EFCAB8: variants seen among roughly 807,000 people sequenced by gnomAD.
EFCAB8 encodes the protein EF-hand calcium-binding domain-containing protein 8.
Under a neutral mutation model 116.3 loss-of-function variants are expected in EFCAB8, and 100 were observed. That is an observed-to-expected ratio of 0.86 (90% CI 0.73 to 1.02). The LOEUF (loss-of-function observed/expected upper bound fraction) is 1.02. Among genes scored for constraint, EFCAB8 ranks in the 50% least tolerant of loss-of-function variants. The pLI, the probability that EFCAB8 is intolerant of heterozygous loss-of-function variation, is 0.00. For synonymous variants in EFCAB8, 558 were observed against 567.9 expected (o/e 0.98, Z 0.25); for missense variants, 1,320 against 1,416.9 (o/e 0.93, Z 1.10).
At chr20:32,942,919 A>G (rs1988450422) in intron 22 of EFCAB8, among the ~76,000 whole-genome samples, 1 of 152,192 alleles carries the variant, frequency 6.6e-6, no homozygotes, top group Non-Finnish European at 1.5e-5. Flanking sequence ...CCAGTTTTAC[A>G]TACATTTGGG....
intron 11 of EFCAB8, among the ~76,000 whole-genome samples, chr20:32,901,877 G>C (rs1209478407): frequency 6.6e-6 from 1 of 152,124 alleles, no homozygotes; most frequent in Admixed American, 6.6e-5. Flanking sequence ...TAGTAGAGAC[G>C]GGGTTTCACC....
Position 32,911,481 on chromosome 20 carries a change from T to C in EFCAB8, c.1559T>C (p.Val520Ala). Reference sequence around the variant, plus strand: ...CCCCCAGCTGTGTGCTCCCTACAGGTGGTGAGTGGCTGCCTGCGCGGCACA... The same window carrying C: ...CCCCCAGCTGTGTGCTCCCTACAGGCGGTGAGTGGCTGCCTGCGCGGCACA... Reference protein sequence around the residue: ...AVLYSKIFKQVVSGCLRGTVS... With the variant: ...AVLYSKIFKQAVSGCLRGTVS... The change falls in exon 16 of 27, where the codon GTG (valine) becomes GCG (alanine). Residue 520 changes from valine to alanine, a missense_variant and splice_region_variant. Coordinates refer to ENST00000400522, the MANE Select transcript of EFCAB8 (RefSeq NM_001143967.2). 1 of 1,483,576 alleles carries C rather than the reference T, an allele frequency of 6.7e-7. No individual in the cohort carries two copies. The highest frequency in any genetic ancestry group is 9.0e-7 in the Non-Finnish European group (1 of 1,109,712). The allele number at this position is 1,483,576 out of a possible 1,614,324, so 91.9% of individuals were successfully genotyped here.
chr20:32,866,191 C>T (rs377608982), intron 2 of EFCAB8, among the ~76,000 whole-genome samples: 16 of 151,976 alleles, frequency 1.1e-4, no homozygotes, highest in East Asian at 3.9e-4. Context: ...TGTGTGTAGA[C>T]GCTGGGCTAA....
chr20:32,918,355 G>C lies in EFCAB8; in HGVS notation c.2062-7G>C, dbSNP rs1468057940. Reference sequence around the variant, plus strand: ...GTGCCTTAGGGGCTGCTTTCTTCTTGGTACAGGTGCAAGATGTGAACAACT... The same window carrying C: ...GTGCCTTAGGGGCTGCTTTCTTCTTCGTACAGGTGCAAGATGTGAACAACT... On this transcript the variant is annotated splice_region_variant and splice_polypyrimidine_tract_variant and intron_variant, in intron 18 of 26. Coordinates refer to ENST00000400522, the MANE Select transcript of EFCAB8 (RefSeq NM_001143967.2). 6.4e-7 allele frequency: 1 copy of C among 1,551,538 alleles called. No homozygotes were observed. Among genetic ancestry groups the C allele is most frequent in the African/African-American group, 1.4e-5 (1 of 73,038 alleles).
chr20:32,918,346 T>A lies in EFCAB8; in HGVS notation c.2062-16T>A, dbSNP rs1423534764. ...GACATTGCAGTGCCTTAGGGGCTGCTTTCTTCTTGGTACAGGTGCAAGATG... is the reference window on the plus strand; with the variant it reads ...GACATTGCAGTGCCTTAGGGGCTGCATTCTTCTTGGTACAGGTGCAAGATG... On this transcript the variant is annotated splice_polypyrimidine_tract_variant and intron_variant, in intron 18 of 26. Transcript: ENST00000400522. The A allele has an allele frequency of 1.9e-6, 3 of 1,551,506 alleles. 1 individual carries two copies. Among genetic ancestry groups the A allele is most frequent in the South Asian group, 2.4e-5 (2 of 84,046 alleles).
chr20:32,914,777 G>T (rs1987106985), intron 17 of EFCAB8, among the ~76,000 whole-genome samples: 1 of 152,190 alleles, frequency 6.6e-6, no homozygotes, highest in African/African-American at 2.4e-5. Context: ...AACATATGGG[G>T]ATTACAATTC....
chr20:32,926,938 C>A (rs1048926426), intron 20 of EFCAB8, among the ~76,000 whole-genome samples: 7 of 150,500 alleles, frequency 4.7e-5, no homozygotes, highest in Non-Finnish European at 8.9e-5. Flanking sequence ...GGTTCCAAGT[C>A]TTTGCTATTG....
intron 3 of EFCAB8, among the ~76,000 whole-genome samples, chr20:32,869,000 G>A (rs907267093): frequency 3.4e-4 from 51 of 151,742 alleles, no homozygotes; most frequent in East Asian, 2.5e-3. Flanking sequence ...AAAAAAAGTC[G>A]TCAGCTGGGG....
At chr20:32,931,902 G>A (rs1368744155) in intron 22 of EFCAB8, among the ~76,000 whole-genome samples, 3 of 152,140 alleles carry the variant, frequency 2.0e-5, no homozygotes, top group Non-Finnish European at 4.4e-5. Context: ...ACAAAATGGA[G>A]AACTCTTCAA....
intron 1 of EFCAB8, 57 bp from the exon 2 acceptor site, chr20:32,863,726 C>T (rs764296471): frequency 1.9e-5 from 29 of 1,520,520 alleles, no homozygotes; most frequent in African/African-American, 2.8e-5. Context: ...CTAAGTCAGC[C>T]TTCCACGTGG....
chr20:32,877,735 G>A (rs1014453116), intron 4 of EFCAB8, among the ~76,000 whole-genome samples: 10 of 152,210 alleles, frequency 6.6e-5, no homozygotes, highest in African/African-American at 2.4e-4. Flanking sequence ...ATGGAGTCTG[G>A]AGTTGCGCCA....
chr20:32,900,734 T>C (rs559867813), intron 11 of EFCAB8, among the ~76,000 whole-genome samples: 1 of 152,086 alleles, frequency 6.6e-6, no homozygotes, highest in South Asian at 2.1e-4. Context: ...GCCCGGTTAA[T>C]TTTTTTTCAT....
At chr20:32,868,139 G>C (rs982200371) in intron 3 of EFCAB8, among the ~76,000 whole-genome samples, 1 of 151,960 alleles carries the variant, frequency 6.6e-6, no homozygotes, top group African/African-American at 2.4e-5. Context: ...GTCCAGGCTC[G>C]TCTGGGACTA....
intron 23 of EFCAB8, among the ~76,000 whole-genome samples, chr20:32,954,506 T>C (rs1665016331): frequency 6.6e-6 from 1 of 152,254 alleles, no homozygotes; most frequent in African/African-American, 2.4e-5. Flanking sequence ...TTTATGCCTG[T>C]ACCACACTGT....
rs964777755 is a variant in EFCAB8, at chr20:32,873,133, AAAC to A, written c.209-2790_209-2788del. 2.1e-4 allele frequency among the ~76,000 whole-genome samples: 32 copies of A among 152,130 alleles called. 2 individuals are homozygous for A. Among genetic ancestry groups the A allele is most frequent in the African/African-American group, 7.5e-4 (31 of 41,372 alleles). On this transcript the variant is annotated intron_variant, in intron 3 of 26. Coordinates refer to ENST00000400522, the MANE Select transcript of EFCAB8 (RefSeq NM_001143967.2). ...AACAAAACAGAATACTAAAAACAAA[AAAC>A]AAAAACAAAACACAAAACAGTGAAA...
intron 1 of EFCAB8, among the ~76,000 whole-genome samples, chr20:32,861,192 A>G (rs183099016): frequency 5.9e-5 from 9 of 152,310 alleles, no homozygotes; most frequent in South Asian, 2.1e-4. Context: ...TTTTGCTCCT[A>G]TGAATGATGC....
intron 5 of EFCAB8, among the ~76,000 whole-genome samples, chr20:32,882,596 C>T (rs13039718): frequency 0.61 from 92,778 of 152,002 alleles, 29,205 homozygotes; most frequent in Middle Eastern, 0.75. Context: ...TCTCAGGTCA[C>T]TGCAACCTCC....
chr20:32,885,338 G>A (rs565853013), intron 5 of EFCAB8, among the ~76,000 whole-genome samples, 167 bp from the exon 6 acceptor site: 4 of 152,252 alleles, frequency 2.6e-5, no homozygotes, highest in South Asian at 2.1e-4. Flanking sequence ...GTAGAAACCC[G>A]CTTGGAAGAG....
chr20:32,934,379 A>G (rs937404720), intron 22 of EFCAB8, among the ~76,000 whole-genome samples: 2 of 152,128 alleles, frequency 1.3e-5, no homozygotes, highest in Non-Finnish European at 2.9e-5. Context: ...TTGATTCTAT[A>G]TCTTGGCTAT....
Sources: allele counts gnomAD v4.1 joint callset (sites outside exome capture counted in the v4.1 genomes callset), GRCh38; gene constraint gnomAD v4.1.1; transcripts MANE v1.5; gene names NCBI Gene and HGNC (gene_info 2026-07-23, HGNC 2026-07-21).